VAX2: variants seen among roughly 807,000 people sequenced by gnomAD.
VAX2 encodes the protein ventral anterior homeobox 2.
In VAX2, 8 loss-of-function variants were observed where a neutral mutation model predicts 12.5. The observed-to-expected ratio is 0.64, with a 90% CI of 0.37 to 1.15. VAX2 has a LOEUF of 1.15. Ranked by LOEUF, VAX2 falls within the 50% of genes most tolerant of loss-of-function variation. VAX2 has a pLI of 0.01. For missense variants in VAX2, 476 were observed against 412.9 expected (o/e 1.15, Z -1.32); for synonymous variants, 183 against 187.6 (o/e 0.98, Z 0.20).
At chr2:70,911,670 T>C (rs1294057092) in intron 1 of VAX2, among the ~76,000 whole-genome samples, 1 of 152,242 alleles carries the variant, frequency 6.6e-6, no homozygotes, top group African/African-American at 2.4e-5. Context: ...TGTTATAACT[T>C]TCATTTTTCT....
At chr2:70,917,191 A>G (rs1156454903) in intron 1 of VAX2, among the ~76,000 whole-genome samples, 1 of 146,404 alleles carries the variant, frequency 6.8e-6, no homozygotes, top group Non-Finnish European at 1.5e-5. Context: ...GCATGGTGGC[A>G]GGTGCCTGTA....
rs1172635646 is a variant in VAX2, at chr2:70,933,345, C to T, written c.*141C>T. ...CCACCTGCCCCCCAGCTCAGAGACT[C>T]GTGACCAAATGGCCTTGGTCCCGCA... On this transcript the variant is annotated 3_prime_UTR_variant, in exon 3 of 3. Transcript: ENST00000234392. The T allele has an allele frequency of 6.0e-6, 5 of 833,804 alleles. No individual in the cohort carries two copies. The highest frequency in any genetic ancestry group is 4.0e-5 in the Admixed American group (1 of 24,894). 51.7% of individuals were successfully genotyped at this position (833,804 alleles called of 1,614,324 possible). A position where few individuals can be genotyped will look rare whatever the true frequency, so the allele number is the denominator to read the frequency against.
chr2:70,916,982 C>T (rs1432011638), intron 1 of VAX2, among the ~76,000 whole-genome samples: 2 of 151,970 alleles, frequency 1.3e-5, no homozygotes, highest in African/African-American at 4.8e-5. Context: ...AAAACCCCAT[C>T]TCTACTAAAA....
chr2:70,925,743 T>C (rs1023179495), intron 2 of VAX2, among the ~76,000 whole-genome samples: 17 of 152,104 alleles, frequency 1.1e-4, no homozygotes, highest in Admixed American at 1.1e-3. Flanking sequence ...ACAGGAACCA[T>C]GGTGTAGCCA....
At chr2:70,921,415 C>G (rs1679455717) in intron 2 of VAX2, 130 bp downstream of exon 2, 1 of 1,067,944 alleles carries the variant, frequency 9.4e-7, no homozygotes, top group African/African-American at 1.6e-5. Flanking sequence ...GAGGGAAAGA[C>G]TTTAAGCTAC....
chr2:70,927,762 G>T (rs1236416758), intron 2 of VAX2, among the ~76,000 whole-genome samples: 1 of 152,064 alleles, frequency 6.6e-6, no homozygotes, highest in Non-Finnish European at 1.5e-5. Flanking sequence ...AAGAAATCAG[G>T]GAGGGGGCAG....
chr2:70,903,265 C>A (rs1344046072), intron 1 of VAX2, among the ~76,000 whole-genome samples: 3 of 152,286 alleles, frequency 2.0e-5, no homozygotes, highest in Middle Eastern at 6.8e-3. Flanking sequence ...GGAAGGAAAC[C>A]ACTAAAAGGT....
At chr2:70,907,408 C>T (rs1553410730) in intron 1 of VAX2, among the ~76,000 whole-genome samples, 1 of 152,268 alleles carries the variant, frequency 6.6e-6, no homozygotes, top group African/African-American at 2.4e-5. Flanking sequence ...CAAAGCCAGC[C>T]AGAGGGTTGA....
At chr2:70,910,989 T>G (rs1407261162) in intron 1 of VAX2, among the ~76,000 whole-genome samples, 2 of 152,160 alleles carry the variant, frequency 1.3e-5, no homozygotes, top group East Asian at 3.9e-4. Flanking sequence ...CACAAACATA[T>G]TAAAATGTTT....
chr2:70,931,568 C>A (rs116728056), intron 2 of VAX2, among the ~76,000 whole-genome samples: 1 of 152,264 alleles, frequency 6.6e-6, no homozygotes, highest in African/African-American at 2.4e-5. Context: ...CCCCTCCCTA[C>A]GGAATGAGGA....
rs1553409590 is a variant in VAX2, at chr2:70,900,696, C to A, written c.75C>A (p.Cys25Ter). Residue 25 changes from cysteine (C) to a stop codon, truncating the protein, a stop_gained, in exon 1 of 3, where the codon TGC becomes TGA. Coordinates refer to ENST00000234392, the MANE Select transcript of VAX2 (RefSeq NM_012476.3). LOFTEE classifies it high-confidence loss of function. ...RAESGGGGGRCGDRSGAGDLR... is the reference protein window; with the variant it reads ...RAESGGGGGR ...AGTCTGGTGGCGGCGGTGGGCGCTG[C>A]GGAGACCGCAGCGGAGCGGGGGACT... 1 of 1,337,044 alleles carries A rather than the reference C, an allele frequency of 7.5e-7. No homozygotes were observed. The highest frequency in any genetic ancestry group is 3.1e-5 in the East Asian group (1 of 32,252). The allele number at this position is 1,337,044 out of a possible 1,614,324, so 82.8% of individuals were successfully genotyped here.
In VAX2 at chr2:70,904,308, G is replaced by T. The variant is rs1553410252; in HGVS notation, c.247+3440G>T. Among the ~76,000 whole-genome samples, 1 of 152,228 alleles carries T rather than the reference G, an allele frequency of 6.6e-6. No individual in the cohort carries two copies. Among genetic ancestry groups the T allele is most frequent in the Non-Finnish European group, 1.5e-5 (1 of 68,038 alleles). On this transcript the variant is annotated intron_variant, in intron 1 of 2. Transcript: ENST00000234392. This position sits in a 1 kb window ranked among gnomAD's most constrained non-coding sequence, Gnocchi z 4.2. ...GTGGCTCAAACAGCACAGGGCAGTG[G>T]CCGAGCACCAGGCTTTTCGGTGGAG...
intron 1 of VAX2, among the ~76,000 whole-genome samples, chr2:70,910,782 T>C (rs782297742): frequency 4.1e-4 from 57 of 138,998 alleles, no homozygotes; most frequent in African/African-American, 1.5e-3. Context: ...GGTCACTTTC[T>C]TAAAAAAAAA....
Position 70,932,914 on chromosome 2 carries a change from C to T in VAX2, c.583C>T (p.Pro195Ser). Residue 195 changes from proline (P) to serine (S), a missense_variant, in exon 3 of 3, where the codon CCC (proline) becomes TCC (serine). Transcript: ENST00000234392. ...LLEQGRLLSVPRAPSLLALTP... is the reference protein window; with the variant it reads ...LLEQGRLLSVSRAPSLLALTP... Reference sequence around the variant, plus strand: ...GGAGCAGGGCCGGCTGCTCTCTGTGCCCAGGGCCCCTAGCCTCCTGGCGCT... The same window carrying T: ...GGAGCAGGGCCGGCTGCTCTCTGTGTCCAGGGCCCCTAGCCTCCTGGCGCT... 1 of 1,613,300 alleles carries T rather than the reference C, an allele frequency of 6.2e-7. No homozygotes were observed. Among genetic ancestry groups the T allele is most frequent in the Non-Finnish European group, 8.5e-7 (1 of 1,179,934 alleles).
intron 2 of VAX2, 26 bp downstream of exon 2, chr2:70,921,311 C>CTT: frequency 6.5e-7 from 1 of 1,548,238 alleles, no homozygotes. Context: ...CAGGCCACTC[C>CTT]ACTCTTGTCC....
intron 2 of VAX2, among the ~76,000 whole-genome samples, chr2:70,928,995 C>A (rs1679631544): frequency 6.6e-6 from 1 of 152,184 alleles, no homozygotes; most frequent in Non-Finnish European, 1.5e-5. Flanking sequence ...CGGGGAGGTG[C>A]TGGCTTGGCT....
chr2:70,926,760 T>TCA (rs1553413595), intron 2 of VAX2, among the ~76,000 whole-genome samples: 1 of 152,136 alleles, frequency 6.6e-6, no homozygotes, highest in Non-Finnish European at 1.5e-5. Flanking sequence ...ATCACCATGT[T>TCA]GCTTAAAAGA....
chr2:70,923,912 T>C (rs10865382), intron 2 of VAX2, among the ~76,000 whole-genome samples: 122,590 of 152,196 alleles, frequency 0.81, 49,976 homozygotes, highest in African/African-American at 0.94. Context: ...GAGGGAGGAT[T>C]GCTCAGGAGT....
intron 2 of VAX2, among the ~76,000 whole-genome samples, chr2:70,926,913 T>C (rs1294385108): frequency 6.6e-6 from 1 of 152,082 alleles, no homozygotes; most frequent in African/African-American, 2.4e-5. Flanking sequence ...TTGACTTAAG[T>C]CATCTAGCTA....
Sources: allele counts gnomAD v4.1 joint callset (sites outside exome capture counted in the v4.1 genomes callset), GRCh38; gene constraint gnomAD v4.1.1; non-coding constraint Gnocchi (gnomAD v3.1); transcripts MANE v1.5; gene names NCBI Gene and HGNC (gene_info 2026-07-23, HGNC 2026-07-21).